Variants in INPP4B observed in about 807,000 individuals in gnomAD.
INPP4B encodes the protein inositol polyphosphate-4-phosphatase type II B.
Under a neutral mutation model 122.5 loss-of-function variants are expected in INPP4B, and 55 were observed. That is an observed-to-expected ratio of 0.45 (90% CI 0.36 to 0.56). INPP4B has a LOEUF of 0.56. INPP4B is among the 20% of genes least tolerant of loss of function. INPP4B has a pLI of 0.00. For synonymous variants in INPP4B, 403 were observed against 388.7 expected, an observed-to-expected ratio of 1.04 and a Z score of -0.43; for missense variants, 1,000 against 1,097.7, an observed-to-expected ratio of 0.91 and a Z score of 1.26.
At chr4:142,738,498 C>A (rs1043414446) in intron 1 of INPP4B, among the ~76,000 whole-genome samples, 2 of 151,828 alleles carry the variant, frequency 1.3e-5, no homozygotes, top group Non-Finnish European at 2.9e-5. Context: ...TTAGGAGATA[C>A]CCCTAATGTT....
intron 16 of INPP4B, among the ~76,000 whole-genome samples, chr4:142,170,772 G>T (rs547817087): frequency 4.0e-5 from 6 of 151,858 alleles, no homozygotes; most frequent in African/African-American, 1.4e-4. Context: ...GGGAAGAACA[G>T]GCCTGTGTTT....
intron 25 of INPP4B, among the ~76,000 whole-genome samples, chr4:142,030,550 CTG>C (rs1388398301): frequency 6.6e-6 from 1 of 152,124 alleles, no homozygotes; most frequent in Non-Finnish European, 1.5e-5. Context: ...GAGAGAAACA[CTG>C]TAATGATATT....
At chr4:142,806,761 AAAGAAGAAAGAAAGAAAGAAAGAAGG>A (rs1778799450) in intron 1 of INPP4B, among the ~76,000 whole-genome samples, 2 of 121,126 alleles carry the variant, frequency 1.7e-5, no homozygotes, top group Admixed American at 8.5e-5. Context: ...GAAGAAGAAG[AAAGAAGAAAGAAAGAAAGAAAGAAGG>A]AAAGAAAGAA....
chr4:142,726,009 T>C, intron 1 of INPP4B, 108 bp from the exon 2 acceptor site: 1 of 389,940 alleles, frequency 2.6e-6, no homozygotes, highest in Non-Finnish European at 4.5e-6. Context: ...AGAAAATCAT[T>C]TAACAAAATA....
chr4:142,078,766 G>A (rs866080111), intron 25 of INPP4B, among the ~76,000 whole-genome samples: 5 of 152,098 alleles, frequency 3.3e-5, no homozygotes, highest in Non-Finnish European at 7.4e-5. Context: ...TAACCTTGGC[G>A]AACTTTATTT....
chr4:142,092,422 C>G (rs1471095487), intron 23 of INPP4B, among the ~76,000 whole-genome samples: 7 of 152,158 alleles, frequency 4.6e-5, no homozygotes, highest in Non-Finnish European at 1.0e-4. Flanking sequence ...TCCCAAGTAG[C>G]TGGGATTACA....
chr4:142,189,560 A>G (rs916277073), intron 15 of INPP4B, among the ~76,000 whole-genome samples: 8 of 152,328 alleles, frequency 5.3e-5, no homozygotes, highest in Admixed American at 2.6e-4. Context: ...AAAAATCAGG[A>G]AAGCCTAATT....
chr4:142,219,915 T>C (rs1848693149), intron 12 of INPP4B, among the ~76,000 whole-genome samples: 4 of 152,190 alleles, frequency 2.6e-5, no homozygotes, highest in African/African-American at 7.2e-5. Context: ...TTTGATTTCA[T>C]AGCAATCTTC....
At chr4:142,498,681 C>A (rs1037851733) in intron 2 of INPP4B, among the ~76,000 whole-genome samples, 9 of 152,068 alleles carry the variant, frequency 5.9e-5, no homozygotes, top group African/African-American at 2.2e-4. Flanking sequence ...GTAGCACCTA[C>A]TCGAGAGGTT....
At position 142,312,334 on chromosome 4, in the gene INPP4B, G is replaced by A. The variant is rs115091874; in HGVS notation, c.423+2378C>T. ...GAGATCAGCATTTAGGAAGGTGTCC[G>A]ATTTCAGAGATGTGGCTAATTTCTC... On this transcript the variant is annotated intron_variant, in intron 8 of 25. Transcript: ENST00000262992. Among the ~76,000 whole-genome samples, 630 of 152,244 alleles carry A rather than the reference G, an allele frequency of 4.1e-3. 1 individual carries two copies. The highest frequency in any genetic ancestry group is 6.1e-3 in the Non-Finnish European group (412 of 68,016).
chr4:142,196,692 G>A lies in INPP4B; in HGVS notation c.1073-3497C>T, dbSNP rs764935776. Among the ~76,000 whole-genome samples, 7 of 152,084 alleles carry A rather than the reference G, an allele frequency of 4.6e-5. No homozygotes were observed. In the East Asian group the frequency reaches 7.7e-4, roughly 17 times the overall value. On this transcript the variant is annotated intron_variant, in intron 14 of 25. Coordinates refer to ENST00000262992, the MANE Select transcript of INPP4B (RefSeq NM_001101669.3). The stretch of plus-strand genomic sequence containing the variant: ...GTAGTTCACTTTTATATGAGTGGCT[G>A]GTCGGTTACTCTATCTGAAACACAG...
intron 11 of INPP4B, among the ~76,000 whole-genome samples, chr4:142,246,795 T>C (rs1043386633): frequency 2.0e-5 from 3 of 152,188 alleles, no homozygotes; most frequent in African/African-American, 7.2e-5. Flanking sequence ...TATTTCCTTC[T>C]CTTGCCTGAT....
intron 15 of INPP4B, among the ~76,000 whole-genome samples, chr4:142,186,035 C>T (rs1188131224): frequency 6.6e-6 from 1 of 151,898 alleles, no homozygotes; most frequent in Non-Finnish European, 1.5e-5. Context: ...AACTTAGAAA[C>T]AATCTAAATG....
intron 7 of INPP4B, among the ~76,000 whole-genome samples, chr4:142,340,996 C>G (rs1778521151): frequency 6.6e-6 from 1 of 152,196 alleles, no homozygotes; most frequent in African/African-American, 2.4e-5. Flanking sequence ...TAAAGGGCAT[C>G]TCATAATGCA....
At chr4:142,509,963 G>T (rs1240901504) in intron 2 of INPP4B, among the ~76,000 whole-genome samples, 1 of 152,140 alleles carries the variant, frequency 6.6e-6, no homozygotes, top group Non-Finnish European at 1.5e-5. Flanking sequence ...AATAAATAAT[G>T]AGGAAATAAA....
intron 1 of INPP4B, among the ~76,000 whole-genome samples, chr4:142,780,742 G>A (rs1408088622): frequency 6.6e-6 from 1 of 152,098 alleles, no homozygotes; most frequent in Non-Finnish European, 1.5e-5. Context: ...AGGTTGCAGT[G>A]AGCCAAGATC....
intron 2 of INPP4B, among the ~76,000 whole-genome samples, chr4:142,577,298 C>G (rs1182161695): frequency 6.6e-6 from 1 of 151,972 alleles, no homozygotes; most frequent in Non-Finnish European, 1.5e-5. Flanking sequence ...CCTATCATGT[C>G]CAATTTCAAG....
intron 2 of INPP4B, among the ~76,000 whole-genome samples, chr4:142,722,955 A>T (rs1395865325): frequency 3.9e-5 from 6 of 152,150 alleles, no homozygotes; most frequent in Non-Finnish European, 7.4e-5. Flanking sequence ...TATAATCTGT[A>T]ATAAACCCTT....
chr4:142,101,364 G>A (rs1578900766), intron 23 of INPP4B, among the ~76,000 whole-genome samples: 1 of 152,016 alleles, frequency 6.6e-6, no homozygotes, highest in Admixed American at 6.6e-5. Context: ...TTATTTTTGG[G>A]TCTGTGACAG....
Sources: allele counts gnomAD v4.1 joint callset (sites outside exome capture counted in the v4.1 genomes callset), GRCh38; gene constraint gnomAD v4.1.1; transcripts MANE v1.5; gene names NCBI Gene and HGNC (gene_info 2026-07-23, HGNC 2026-07-21).